RBFOX1: variants seen among roughly 807,000 people sequenced by gnomAD.
RBFOX1 encodes the protein RNA binding fox-1 homolog 1, also known as RNA binding protein fox-1 homolog 1.
RBFOX1 carries 8 observed loss-of-function variants against 57.7 expected under a neutral mutation model. That is an observed-to-expected ratio of 0.14 (90% confidence interval 0.08 to 0.25). The LOEUF is 0.25. Ranked by LOEUF, RBFOX1 falls within the 10% of genes least tolerant of loss-of-function variation. RBFOX1 has a pLI of 1.00. For missense variants in RBFOX1, 611 were observed against 548.5 expected, an observed-to-expected ratio of 1.11 and a Z score of -1.14; for synonymous variants, 326 against 222.4, an observed-to-expected ratio of 1.47 and a Z score of -4.15.
At chr16:5,712,681 T>C (rs543003660) in intron 3 of RBFOX1, among the ~76,000 whole-genome samples, 1 of 152,334 alleles carries the variant, frequency 6.6e-6, no homozygotes, top group East Asian at 1.9e-4. Flanking sequence ...ACGTGGTTCA[T>C]AAATAGCAGA....
intron 4 of RBFOX1, among the ~76,000 whole-genome samples, chr16:7,342,850 C>T (rs572750033): frequency 2.1e-4 from 32 of 152,304 alleles, no homozygotes; most frequent in South Asian, 4.1e-4. Flanking sequence ...GACTAAGTCC[C>T]AGCCTCTGTC....
intron 1 of RBFOX1, among the ~76,000 whole-genome samples, chr16:5,440,191 C>T (rs1202289755): frequency 6.6e-6 from 1 of 152,212 alleles, no homozygotes; most frequent in African/African-American, 2.4e-5. Flanking sequence ...TTTCTATTCA[C>T]ACCGCCATAA....
chr16:7,023,539 C>T (rs1306961605), intron 3 of RBFOX1, among the ~76,000 whole-genome samples: 1 of 122,724 alleles, frequency 8.1e-6, no homozygotes, highest in Admixed American at 1.0e-4. Context: ...ACAGCCTGGC[C>T]AACATGGTGA....
Position 5,946,643 on chromosome 16 carries a change from C to T in RBFOX1, c.351+79308C>T, listed in dbSNP as rs1240873995. ...AAATTCTGTGAGCCGTGCTAGGCAA[C>T]TATTGAACCAGAGAAGGGGGTTATG... On this transcript the variant is annotated intron_variant, in intron 4 of 19. Coordinates refer to the RBFOX1 transcript ENST00000641259. This position sits in a 1 kb window ranked among gnomAD's most constrained non-coding sequence, Gnocchi z 4.6. Among the ~76,000 whole-genome samples, 1 of 152,140 alleles carries T rather than the reference C, an allele frequency of 6.6e-6. No homozygotes were observed. Among genetic ancestry groups the T allele is most frequent in the African/African-American group, 2.4e-5 (1 of 41,426 alleles).
intron 2 of RBFOX1, among the ~76,000 whole-genome samples, chr16:6,586,059 T>G (rs1350046802): frequency 2.6e-5 from 4 of 152,226 alleles, no homozygotes; most frequent in Admixed American, 6.5e-5. Flanking sequence ...TATTTAATAG[T>G]GAAGTTATGC....
chr16:7,481,135 A>T (rs541025075), intron 4 of RBFOX1, among the ~76,000 whole-genome samples: 9 of 152,082 alleles, frequency 5.9e-5, no homozygotes, highest in African/African-American at 1.7e-4. Flanking sequence ...CATTTGTTCA[A>T]TGAGGATGGT....
intron 3 of RBFOX1, among the ~76,000 whole-genome samples, chr16:7,016,999 GC>G (rs1351360562): frequency 2.0e-5 from 3 of 152,068 alleles, no homozygotes; most frequent in African/African-American, 7.2e-5. Flanking sequence ...TCCTGGTTGA[GC>G]GACCCTCTTT....
chr16:6,732,845 C>G (rs940591266), intron 3 of RBFOX1, among the ~76,000 whole-genome samples: 7 of 152,086 alleles, frequency 4.6e-5, no homozygotes, highest in African/African-American at 9.7e-5. Flanking sequence ...CCTTGGACAG[C>G]CATTATGTAA....
intron 4 of RBFOX1, among the ~76,000 whole-genome samples, chr16:7,125,285 C>G (rs762483603): frequency 6.6e-6 from 1 of 152,220 alleles, no homozygotes; most frequent in East Asian, 1.9e-4. Context: ...GCAGCATCCT[C>G]ATTTGTGCAG....
intron 3 of RBFOX1, among the ~76,000 whole-genome samples, chr16:5,664,407 G>A (rs1286171932): frequency 6.6e-6 from 1 of 152,140 alleles, no homozygotes; most frequent in African/African-American, 2.4e-5. Flanking sequence ...AATTAGCTGG[G>A]CACGGTGGTG....
At chr16:7,385,854 A>G (rs1026131544) in intron 4 of RBFOX1, among the ~76,000 whole-genome samples, 4 of 152,104 alleles carry the variant, frequency 2.6e-5, no homozygotes, top group Non-Finnish European at 5.9e-5. Context: ...CCTGGGTTCA[A>G]GCAGTTTTTC....
chr16:5,303,271 A>C (rs992284803), intron 1 of RBFOX1, among the ~76,000 whole-genome samples: 1 of 152,164 alleles, frequency 6.6e-6, no homozygotes, highest in African/African-American at 2.4e-5. Flanking sequence ...ATTGGATATT[A>C]TCCCTATTCT....
intron 1 of RBFOX1, among the ~76,000 whole-genome samples, chr16:5,426,988 A>T (rs2067580125): frequency 6.6e-6 from 1 of 152,200 alleles, no homozygotes; most frequent in Non-Finnish European, 1.5e-5. Context: ...ATCGGCTTCC[A>T]GCTGAGTGTA....
At chr16:5,786,930 G>C (rs778513811) in intron 3 of RBFOX1, among the ~76,000 whole-genome samples, 2 of 152,174 alleles carry the variant, frequency 1.3e-5, no homozygotes, top group Non-Finnish European at 2.9e-5. Context: ...GAGGTCAGGA[G>C]ATCGAGACCA....
At chr16:6,437,209 G>T (rs929035737) in intron 2 of RBFOX1, among the ~76,000 whole-genome samples, 1 of 152,180 alleles carries the variant, frequency 6.6e-6, no homozygotes. Context: ...GTTCAATCAG[G>T]AATGAGCGTC....
chr16:6,659,835 C>T (rs912076896), intron 3 of RBFOX1, among the ~76,000 whole-genome samples: 11 of 152,166 alleles, frequency 7.2e-5, no homozygotes, highest in Admixed American at 6.5e-4. Context: ...GACAGTAGCA[C>T]TGGAACTGGA....
intron 4 of RBFOX1, among the ~76,000 whole-genome samples, chr16:7,108,724 T>C (rs932008081): frequency 1.3e-5 from 2 of 152,186 alleles, no homozygotes; most frequent in African/African-American, 4.8e-5. Flanking sequence ...GATCCTCTGA[T>C]AGCACTAGTG....
intron 1 of RBFOX1, among the ~76,000 whole-genome samples, chr16:6,161,912 G>A (rs2096882312): frequency 6.6e-6 from 1 of 152,194 alleles, no homozygotes; most frequent in Non-Finnish European, 1.5e-5. Flanking sequence ...ATGCTTTCCA[G>A]CCAAATAAAC....
intron 10 of RBFOX1, 70 bp from the exon 11 acceptor site, chr16:7,630,533 A>G (rs924326176): frequency 7.5e-6 from 12 of 1,599,088 alleles, no homozygotes; most frequent in Non-Finnish European, 1.0e-5. Flanking sequence ...TCTCGGTTGC[A>G]TTGCCGTGAT....
Sources: allele counts gnomAD v4.1 joint callset (sites outside exome capture counted in the v4.1 genomes callset), GRCh38; gene constraint gnomAD v4.1.1; non-coding constraint Gnocchi (gnomAD v3.1); transcripts MANE v1.5; gene names NCBI Gene and HGNC (gene_info 2026-07-23, HGNC 2026-07-21).